The following CSMD1 variants were observed in gnomAD, a reference collection of about 807,000 sequenced individuals.
CSMD1 encodes CUB and sushi domain-containing protein 1.
Under a neutral mutation model 417.5 loss-of-function variants are expected in CSMD1, and 213 were observed. That is an observed-to-expected ratio of 0.51 (90% CI 0.46 to 0.57). The LOEUF (loss-of-function observed/expected upper bound fraction) is 0.57, where lower values mean the gene tolerates loss of function less well. Ranked by LOEUF, CSMD1 falls within the 20% of genes least tolerant of loss-of-function variation. CSMD1 has a pLI of 0.00. For missense variants in CSMD1, 6,923 were observed against 4,529.7 expected (o/e 1.53, Z -15.17); for synonymous variants, 2,862 against 1,736.8 (o/e 1.65, Z -16.11).
intron 42 of CSMD1, among the ~76,000 whole-genome samples, chr8:3,114,490 C>T (rs1423706134): frequency 6.6e-6 from 1 of 150,700 alleles, no homozygotes; most frequent in African/African-American, 2.4e-5. Context: ...CTCAATATAT[C>T]GAAGATACTG....
At chr8:4,678,478 C>T (rs2130968658) in intron 1 of CSMD1, among the ~76,000 whole-genome samples, 1 of 152,124 alleles carries the variant, frequency 6.6e-6, no homozygotes, top group Admixed American at 6.5e-5. Flanking sequence ...ATTTATATGG[C>T]CAGGTAACTA....
chr8:3,266,304 G>T (rs1458445481), intron 26 of CSMD1, among the ~76,000 whole-genome samples: 1 of 151,450 alleles, frequency 6.6e-6, no homozygotes, highest in South Asian at 2.1e-4. Flanking sequence ...TCTGCAAGGG[G>T]CCGTTTAAGA....
intron 3 of CSMD1, among the ~76,000 whole-genome samples, chr8:4,036,137 G>T (rs546909545): frequency 6.6e-6 from 1 of 152,184 alleles, no homozygotes; most frequent in African/African-American, 2.4e-5. Context: ...CATCCTAGGT[G>T]CGTAGTAGGC....
At chr8:4,375,011 C>A (rs1224833369) in intron 3 of CSMD1, among the ~76,000 whole-genome samples, 1 of 138,358 alleles carries the variant, frequency 7.2e-6, no homozygotes, top group Non-Finnish European at 1.5e-5. Context: ...ATAGTGGGGA[C>A]AGGGCAGGGA....
intron 40 of CSMD1, 124 bp from the exon 41 acceptor site, chr8:3,142,798 G>T: frequency 1.2e-6 from 1 of 854,956 alleles, no homozygotes; most frequent in East Asian, 2.5e-5. Flanking sequence ...ACAGAACCAT[G>T]CCGTGGAGGA....
chr8:4,004,588 G>A (rs557023492), intron 4 of CSMD1, among the ~76,000 whole-genome samples: 18 of 151,828 alleles, frequency 1.2e-4, no homozygotes, highest in African/African-American at 4.3e-4. Context: ...ATATTTATTT[G>A]GGATTTTCCT....
chr8:3,704,947 G>A (rs181998331), intron 7 of CSMD1: 1 of 152,234 alleles, frequency 6.6e-6, no homozygotes, highest in East Asian at 1.9e-4. Flanking sequence ...GCTTTGCCCA[G>A]TGTTTGTTTT....
At chr8:4,012,169 A>G (rs1033516428) in intron 4 of CSMD1, among the ~76,000 whole-genome samples, 3 of 152,094 alleles carry the variant, frequency 2.0e-5, no homozygotes, top group Admixed American at 6.6e-5. Context: ...TGGATGCAGA[A>G]CCCACCAGTA....
chr8:3,328,305 G>T (rs1806667953), intron 23 of CSMD1, among the ~76,000 whole-genome samples: 1 of 152,118 alleles, frequency 6.6e-6, no homozygotes, highest in Non-Finnish European at 1.5e-5. Context: ...CTTCTCACTG[G>T]AGCTCTGCCT....
At chr8:4,216,898 T>G (rs531267963) in intron 3 of CSMD1, among the ~76,000 whole-genome samples, 1 of 152,270 alleles carries the variant, frequency 6.6e-6, no homozygotes, top group Admixed American at 6.5e-5. Flanking sequence ...TCTTGCCCAG[T>G]TTTGATTTCC....
intron 25 of CSMD1, among the ~76,000 whole-genome samples, chr8:3,301,072 G>A (rs1360573825): frequency 5.3e-5 from 8 of 151,420 alleles, no homozygotes; most frequent in South Asian, 2.1e-4. Flanking sequence ...ACATTGATAC[G>A]TATAAGACAT....
At chr8:4,056,937 G>A (rs187289133) in intron 3 of CSMD1, among the ~76,000 whole-genome samples, 1 of 152,268 alleles carries the variant, frequency 6.6e-6, no homozygotes, top group East Asian at 1.9e-4. Context: ...GTTTATCACT[G>A]TTGGACATTT....
At chr8:4,694,071 C>G (rs914614288) in intron 1 of CSMD1, among the ~76,000 whole-genome samples, 1 of 152,160 alleles carries the variant, frequency 6.6e-6, no homozygotes, top group Admixed American at 6.5e-5. Context: ...GCCTCCCATC[C>G]TATTCCAAAA....
intron 1 of CSMD1, among the ~76,000 whole-genome samples, chr8:4,940,574 G>A (rs1010725435): frequency 6.6e-6 from 1 of 152,204 alleles, no homozygotes; most frequent in Non-Finnish European, 1.5e-5. Flanking sequence ...GCCTCGTGAA[G>A]TTTAGAGAGG....
At chr8:4,835,405 C>T (rs1222197810) in intron 1 of CSMD1, among the ~76,000 whole-genome samples, 2 of 152,070 alleles carry the variant, frequency 1.3e-5, no homozygotes, top group Non-Finnish European at 2.9e-5. Flanking sequence ...ATGATTTCAC[C>T]ATTAGCAAAC....
chr8:4,979,400 A>C (rs1479484660), intron 1 of CSMD1, among the ~76,000 whole-genome samples: 1 of 152,182 alleles, frequency 6.6e-6, no homozygotes, highest in Non-Finnish European at 1.5e-5. Flanking sequence ...TTCCACGGCC[A>C]CACTATGAGG....
intron 41 of CSMD1, among the ~76,000 whole-genome samples, chr8:3,126,679 C>T (rs942360329): frequency 2.0e-5 from 3 of 152,200 alleles, no homozygotes; most frequent in African/African-American, 7.2e-5. Context: ...GGATATCACC[C>T]TGGTTCTCAA....
chr8:3,404,460 G>A (rs1812229807), intron 15 of CSMD1, among the ~76,000 whole-genome samples: 3 of 152,120 alleles, frequency 2.0e-5, no homozygotes, highest in Non-Finnish European at 2.9e-5. Context: ...TGGTTGTCAT[G>A]GAGGAGTTTA....
intron 3 of CSMD1, among the ~76,000 whole-genome samples, chr8:4,041,252 C>T (rs1019716375): frequency 3.6e-4 from 54 of 151,872 alleles, no homozygotes; most frequent in African/African-American, 1.1e-3. Context: ...CTCCTGACCT[C>T]GTGATCCGCC....
Sources: allele counts gnomAD v4.1 joint callset (sites outside exome capture counted in the v4.1 genomes callset), GRCh38; gene constraint gnomAD v4.1.1; transcripts MANE v1.5; gene names NCBI Gene and HGNC (gene_info 2026-07-23, HGNC 2026-07-21).